HIVEP3: variants seen among roughly 807,000 people sequenced by gnomAD.
The protein encoded by HIVEP3 is transcription factor HIVEP3.
Under a neutral mutation model 152.8 loss-of-function variants are expected in HIVEP3, and 49 were observed. The ratio of observed to expected loss-of-function variants is 0.32; its 90% CI spans 0.26 to 0.41. HIVEP3 has a LOEUF of 0.41. HIVEP3 is among the 10% of genes least tolerant of loss of function. The pLI, the probability that HIVEP3 is intolerant of heterozygous loss-of-function variation, is 1.00. For missense variants in HIVEP3, 2,790 were observed against 3,103.3 expected, an observed-to-expected ratio of 0.90 and a Z score of 2.40; for synonymous variants, 1,269 against 1,289.0, an observed-to-expected ratio of 0.98 and a Z score of 0.33.
intron 5 of HIVEP3, among the ~76,000 whole-genome samples, chr1:41,562,597 T>TCCTTTCTC (rs763245562): frequency 5.8e-5 from 2 of 34,262 alleles, no homozygotes; most frequent in East Asian, 3.4e-4. Flanking sequence ...CTTCCTTCCT[T>TCCTTTCTC]TCTTTCTCTC....
At chr1:41,886,150 C>A (rs1021460175) in intron 1 of HIVEP3, among the ~76,000 whole-genome samples, 4 of 152,100 alleles carry the variant, frequency 2.6e-5, no homozygotes, top group African/African-American at 9.7e-5. Flanking sequence ...TGATACATTT[C>A]CCCTCATGTT....
At chr1:41,526,430 C>T (rs1168948803) in intron 5 of HIVEP3, among the ~76,000 whole-genome samples, 3 of 138,806 alleles carry the variant, frequency 2.2e-5, no homozygotes, top group Admixed American at 7.1e-5. Flanking sequence ...TCACACTCAC[C>T]CTCATACGCT....
chr1:41,653,954 A>C (rs975426907), intron 2 of HIVEP3, among the ~76,000 whole-genome samples: 2 of 14,446 alleles, frequency 1.4e-4, no homozygotes, highest in Non-Finnish European at 4.2e-4. Flanking sequence ...TTTCTACTGC[A>C]AAAAAAAAAA....
chr1:41,910,574 A>G (rs914997326), intron 1 of HIVEP3, among the ~76,000 whole-genome samples: 12 of 152,128 alleles, frequency 7.9e-5, no homozygotes, highest in African/African-American at 2.6e-4. Context: ...ACAGTACAAC[A>G]CACTCATGAA....
intron 1 of HIVEP3, among the ~76,000 whole-genome samples, chr1:41,877,854 T>C (rs997947736): frequency 6.6e-6 from 1 of 152,160 alleles, no homozygotes; most frequent in African/African-American, 2.4e-5. Context: ...ACTCAACAAA[T>C]ATCATTTGTT....
intron 1 of HIVEP3, 61 bp from the exon 2 acceptor site, chr1:41,701,056 GT>G: frequency 1.2e-6 from 1 of 841,344 alleles, no homozygotes; most frequent in East Asian, 1.2e-4. Context: ...TTTCATCTGA[GT>G]TTGAAAAAGG....
At chr1:41,547,081 C>A (rs535803123) in intron 5 of HIVEP3, among the ~76,000 whole-genome samples, 1 of 152,290 alleles carries the variant, frequency 6.6e-6, no homozygotes, top group African/African-American at 2.4e-5. Flanking sequence ...TGTCCCTATT[C>A]TGCAGATGTG....
At chr1:41,694,429 G>C (rs1026862926) in intron 2 of HIVEP3, among the ~76,000 whole-genome samples, 2 of 152,122 alleles carry the variant, frequency 1.3e-5, no homozygotes, top group African/African-American at 4.8e-5. Context: ...CAGGTTGTCG[G>C]GGCTCTGGAG....
At position 41,584,976 on chromosome 1, in the gene HIVEP3, G is replaced by A. The variant is rs781471345; in HGVS notation, c.-179C>T. The A allele has an allele frequency of 6.0e-5, 29 of 480,836 alleles. No homozygotes were observed. The highest frequency in any genetic ancestry group is 8.0e-5 in the Non-Finnish European group (23 of 285,796). The allele number at this position is 480,836 out of a possible 1,614,324, so 29.8% of individuals were successfully genotyped here. On this transcript the variant is annotated 5_prime_UTR_variant, in exon 4 of 9. Coordinates refer to ENST00000372583, the MANE Select transcript of HIVEP3 (RefSeq NM_024503.5). This position sits in a 1 kb window ranked among gnomAD's most constrained non-coding sequence, Gnocchi z 5.2. Reference sequence around the variant, plus strand: ...AGTGTCACTGGCTGTGAGTGGACTCGGAGCAGGTCATCAGGGCCCACGCTA... The same window carrying A: ...AGTGTCACTGGCTGTGAGTGGACTCAGAGCAGGTCATCAGGGCCCACGCTA...
chr1:41,848,922 C>T (rs890324998), intron 1 of HIVEP3: 22 of 152,520 alleles, frequency 1.4e-4, no homozygotes, highest in African/African-American at 5.3e-4. Context: ...CTTGGGGCTC[C>T]AGAGTGTGCC....
intron 1 of HIVEP3, among the ~76,000 whole-genome samples, chr1:41,855,691 T>C (rs1053063571): frequency 6.6e-6 from 1 of 152,198 alleles, no homozygotes; most frequent in Non-Finnish European, 1.5e-5. Context: ...AAATCAGATA[T>C]GGCTCTATCT....
intron 5 of HIVEP3, among the ~76,000 whole-genome samples, chr1:41,555,157 G>T (rs551364713): frequency 6.6e-6 from 1 of 152,198 alleles, no homozygotes; most frequent in Non-Finnish European, 1.5e-5. Context: ...CACCCAGTTT[G>T]AGCTTCCCCA....
rs570844883 is a variant in HIVEP3 at position 41,696,411 on chromosome 1, C to T, written c.-721+4505G>A. On this transcript the variant is annotated intron_variant, in intron 2 of 8. Coordinates refer to ENST00000372583, the MANE Select transcript of HIVEP3 (RefSeq NM_024503.5). The stretch of plus-strand genomic sequence containing the variant: ...TTGTTCTCTAAGAGCACAGTGCTGG[C>T]GGGTGACGAGGCACATTTTAAGGTG... 1.4e-4 allele frequency among the ~76,000 whole-genome samples: 22 copies of T among 152,384 alleles called. No homozygotes were observed. The East Asian group carries it at 3.9e-3, about 27-fold the overall frequency.
At chr1:41,655,140 T>C (rs1645609966) in intron 2 of HIVEP3, among the ~76,000 whole-genome samples, 1 of 152,148 alleles carries the variant, frequency 6.6e-6, no homozygotes, top group Non-Finnish European at 1.5e-5. Flanking sequence ...GAGCCGACCC[T>C]TCCAGCTTCA....
intron 3 of HIVEP3, among the ~76,000 whole-genome samples, chr1:41,594,386 A>G (rs1182206345): frequency 1.3e-5 from 2 of 151,776 alleles, no homozygotes; most frequent in Admixed American, 1.3e-4. Context: ...CCACACCCAG[A>G]TAATTTTCGT....
intron 3 of HIVEP3, among the ~76,000 whole-genome samples, chr1:41,586,172 C>A (rs1453673454): frequency 3.3e-5 from 5 of 152,202 alleles, no homozygotes; most frequent in Admixed American, 1.3e-4. Context: ...TCATTGCCCT[C>A]AAGTGGAGGA....
chr1:41,521,194 CAAGTA>C (rs1473768056), intron 6 of HIVEP3, among the ~76,000 whole-genome samples: 1 of 152,164 alleles, frequency 6.6e-6, no homozygotes, highest in Admixed American at 6.5e-5. Context: ...TGAGGTGACA[CAAGTA>C]GAGTGGCAGC....
At chr1:41,813,735 G>A (rs1651101517) in intron 1 of HIVEP3, among the ~76,000 whole-genome samples, 1 of 152,154 alleles carries the variant, frequency 6.6e-6, no homozygotes, top group Non-Finnish European at 1.5e-5. Flanking sequence ...GAGAAGAGCT[G>A]GGGAACCCCA....
intron 1 of HIVEP3, among the ~76,000 whole-genome samples, chr1:41,783,353 A>G (rs1649164789): frequency 1.3e-5 from 2 of 152,164 alleles, no homozygotes; most frequent in Admixed American, 1.3e-4. Context: ...CATTAAAGAG[A>G]TGAATCACAC....
Sources: gnomAD v4.1 joint callset for allele counts (sites outside exome capture counted in the v4.1 genomes callset) on GRCh38, gnomAD v4.1.1 for gene constraint, Gnocchi (gnomAD v3.1) non-coding constraint, MANE v1.5 for transcripts, NCBI Gene and HGNC (gene_info 2026-07-23, HGNC 2026-07-21) for gene names.